Variants in CCDC82 observed in about 807,000 individuals in gnomAD.
CCDC82 encodes the protein coiled-coil domain-containing protein 82.
In CCDC82, 47 loss-of-function variants were observed where a neutral mutation model predicts 60.6. That is an observed-to-expected ratio of 0.77 (90% confidence interval 0.61 to 0.99). CCDC82 has a LOEUF of 0.99. Ranked by LOEUF, CCDC82 falls within the 50% of genes least tolerant of loss-of-function variation. CCDC82 has a pLI of 0.00. For synonymous variants in CCDC82, 212 were observed against 207.4 expected (o/e 1.02, Z -0.19); for missense variants, 588 against 633.0 (o/e 0.93, Z 0.76).
At chr11:96,377,378 A>ACAC (rs1865640825) in intron 5 of CCDC82, among the ~76,000 whole-genome samples, 2 of 151,718 alleles carry the variant, frequency 1.3e-5, no homozygotes, top group African/African-American at 4.8e-5. Context: ...ACACACACAC[A>ACAC]TATTATGTTC....
At chr11:96,368,807 A>C (rs1357006586) in intron 7 of CCDC82, among the ~76,000 whole-genome samples, 2 of 151,282 alleles carry the variant, frequency 1.3e-5, no homozygotes, top group Non-Finnish European at 2.9e-5. Flanking sequence ...CGGAGCTTGC[A>C]GTGAGCCGAG....
chr11:96,358,949 G>T, intron 9 of CCDC82, 44 bp downstream of exon 9: 2 of 1,441,424 alleles, frequency 1.4e-6, no homozygotes, highest in Non-Finnish European at 1.9e-6. Flanking sequence ...ATCATAATTA[G>T]CCTTCAGAAT....
intron 1 of CCDC82, chr11:96,388,463 T>C (rs561536037): frequency 2.1e-4 from 32 of 152,340 alleles, no homozygotes; most frequent in Admixed American, 1.8e-3. Context: ...TATCACATCT[T>C]TGTGTTTCAT....
In CCDC82 at chr11:96,387,622, A is replaced by G. The variant is rs907083915; in HGVS notation, c.-138-9T>C. ...GTGCCACACAATGACGGCTGCCAAT[A>G]TCACATTTGTACAAGATAGTAAAAA... On this transcript the variant is annotated splice_polypyrimidine_tract_variant and intron_variant, in intron 1 of 9. Coordinates refer to ENST00000646818, the MANE Select transcript of CCDC82 (RefSeq NM_024725.4). 1.3e-5 allele frequency: 2 copies of G among 152,210 alleles called. No individual in the cohort carries two copies. Among genetic ancestry groups the G allele is most frequent in the Non-Finnish European group, 2.9e-5 (2 of 68,036 alleles). 9.4% of individuals were successfully genotyped at this position (152,210 alleles called of 1,614,324 possible).
At chr11:96,362,134 T>G (rs1220656053) in intron 8 of CCDC82, among the ~76,000 whole-genome samples, 1 of 152,164 alleles carries the variant, frequency 6.6e-6, no homozygotes, top group Non-Finnish European at 1.5e-5. Context: ...CTATATCACA[T>G]GGAGTGTAAA....
rs143507867 is a variant in CCDC82, at chr11:96,373,386, C to T, written c.1073G>A (p.Gly358Glu). The change falls in exon 6 of 10, where the codon GGA becomes GAA. Residue 358 changes from glycine to glutamate, a missense_variant. Coordinates refer to ENST00000646818, the MANE Select transcript of CCDC82 (RefSeq NM_024725.4). ...TAGTATTAACTTACCATATAATGTT[C>T]CCAGAAAAGATTCATCTAAAGCGTT... ...LINALDESFL[G>E]TLYDGTRQKS... is the part of the protein sequence containing the mutation. 6 of 1,597,610 alleles carry T rather than the reference C, an allele frequency of 3.8e-6. No homozygotes were observed. Among genetic ancestry groups the T allele is most frequent in the Non-Finnish European group, 5.1e-6 (6 of 1,167,678 alleles).
In CCDC82 at chr11:96,384,155, C is replaced by T. The variant is rs1265061500; in HGVS notation, c.593G>A (p.Ser198Asn). The change falls in exon 4 of 10, where the codon AGC becomes AAC. Residue 198 changes from serine to asparagine, a missense_variant. By Grantham distance (46) the Ser-to-Asn change is conservative (BLOSUM62 1). Transcript: ENST00000646818. ...VMCDSDESDDSDILVRKVGVK... is the reference protein window; with the variant it reads ...VMCDSDESDDNDILVRKVGVK... ...ACCTACTTTTCTAACTAGGATATCG[C>T]TGTCATCACTCTCATCACTGTCACA... 1 of 1,613,834 alleles carries T rather than the reference C, an allele frequency of 6.2e-7. No homozygotes were observed. The highest frequency in any genetic ancestry group is 1.1e-5 in the South Asian group (1 of 91,080).
chr11:96,367,602 T>C (rs984877161), intron 7 of CCDC82, among the ~76,000 whole-genome samples: 1 of 152,204 alleles, frequency 6.6e-6, no homozygotes, highest in Non-Finnish European at 1.5e-5. Flanking sequence ...CTTCCTCCAC[T>C]GAGGTCTTGA....
intron 5 of CCDC82, among the ~76,000 whole-genome samples, chr11:96,378,850 C>G (rs1010134207): frequency 2.0e-5 from 3 of 151,886 alleles, no homozygotes; most frequent in Non-Finnish European, 1.5e-5. Context: ...TAAAGAGACA[C>G]TAATAGGGAT....
rs773898426 is a variant in CCDC82, at chr11:96,384,168, C to T, written c.580G>A (p.Glu194Lys). Residue 194 changes from glutamate to lysine, a missense_variant, in exon 4 of 10, where the codon GAG becomes AAG. Transcript: ENST00000646818. ...ACTAGGATATCGCTGTCATCACTCT[C>T]ATCACTGTCACACATCACAGAGGAT... The part of the protein sequence containing the change: ...RLSSVMCDSD[E>K]SDDSDILVRK... 1.2e-6 allele frequency: 2 copies of T among 1,613,872 alleles called. No individual in the cohort carries two copies. The highest frequency in any genetic ancestry group is 1.7e-6 in the Non-Finnish European group (2 of 1,179,810).
At position 96,384,700 on chromosome 11, in the gene CCDC82, G is replaced by C. The variant is rs765614219; in HGVS notation, c.48C>G (p.His16Gln). 1 of 1,611,194 alleles carries C rather than the reference G, an allele frequency of 6.2e-7. No homozygotes were observed. Among genetic ancestry groups the C allele is most frequent in the East Asian group, 2.2e-5 (1 of 44,866 alleles). ...RHETRRNSKS[H>Q]VPEQKSRVDW... Reference sequence around the variant, plus strand: ...CAACTCGAGATTTCTGCTCAGGCACGTGACTCTTAGAATTTCTCCTTGTTT... The same window carrying C: ...CAACTCGAGATTTCTGCTCAGGCACCTGACTCTTAGAATTTCTCCTTGTTT... The change falls in exon 4 of 10, where the codon CAC becomes CAG. Residue 16 changes from histidine to glutamine, a missense_variant. His to Gln is a conservative substitution (Grantham distance 24). Transcript: ENST00000646818.
intron 7 of CCDC82, among the ~76,000 whole-genome samples, chr11:96,367,242 C>G (rs1348856366): frequency 2.0e-5 from 3 of 152,224 alleles, no homozygotes; most frequent in Non-Finnish European, 1.5e-5. Flanking sequence ...TCCACTGACT[C>G]TTCCTTTCAT....
chr11:96,382,439 T>C (rs1165951627), intron 5 of CCDC82: 2 of 151,758 alleles, frequency 1.3e-5, no homozygotes, highest in Non-Finnish European at 3.0e-5. Flanking sequence ...GGTGGTGATA[T>C]TAATGAATAT....
At chr11:96,370,386 C>A (rs1046181571) in intron 7 of CCDC82, among the ~76,000 whole-genome samples, 3 of 152,054 alleles carry the variant, frequency 2.0e-5, no homozygotes, top group African/African-American at 4.8e-5. Flanking sequence ...GTACATGAAA[C>A]AAAATGTGGC....
chr11:96,356,766 C>T (rs1864370704), intron 9 of CCDC82: 1 of 984,888 alleles, frequency 1.0e-6, no homozygotes, highest in Non-Finnish European at 1.2e-6. Flanking sequence ...CCTAGTTCAA[C>T]CTTTAGAAGG....
chr11:96,358,561 A>T (rs776790931), intron 9 of CCDC82: 21 of 1,235,572 alleles, frequency 1.7e-5, no homozygotes, highest in Non-Finnish European at 2.1e-5. Flanking sequence ...CTGGCAGCCG[A>T]GATCCTTTCC....
chr11:96,366,687 A>G (rs886519968), intron 7 of CCDC82, among the ~76,000 whole-genome samples: 7 of 152,182 alleles, frequency 4.6e-5, no homozygotes, highest in Non-Finnish European at 8.8e-5. Flanking sequence ...CCAGAAGTTC[A>G]AGTTCAGCCT....
chr11:96,353,547 A>G lies in CCDC82; in HGVS notation c.*99T>C. The G allele has an allele frequency of 2.2e-6, 2 of 915,312 alleles. No homozygotes were observed. Among genetic ancestry groups the G allele is most frequent in the Admixed American group, 2.1e-5 (1 of 48,524 alleles). 56.7% of individuals were successfully genotyped at this position (915,312 alleles called of 1,614,324 possible). A position where few individuals can be genotyped will look rare whatever the true frequency, so the allele number is the denominator to read the frequency against. On this transcript the variant is annotated 3_prime_UTR_variant, in exon 10 of 10. Coordinates refer to ENST00000646818, the MANE Select transcript of CCDC82 (RefSeq NM_024725.4). ...AAACAAAATATTTTGCCATGAAGAT[A>G]TAGATAAAATGTACAAACATGTCAC...
At chr11:96,383,142 G>T in intron 5 of CCDC82, 127 bp downstream of exon 5, 1 of 662,194 alleles carries the variant, frequency 1.5e-6, no homozygotes, top group East Asian at 2.6e-5. Flanking sequence ...AAACTGACAA[G>T]GTTATCTGAA....
Sources: gnomAD v4.1 joint callset for allele counts (sites outside exome capture counted in the v4.1 genomes callset) on GRCh38, gnomAD v4.1.1 for gene constraint, MANE v1.5 for transcripts, NCBI Gene and HGNC (gene_info 2026-07-23, HGNC 2026-07-21) for gene names.